Variants in ZNF469 observed in about 807,000 individuals in gnomAD.
ZNF469 encodes the protein zinc finger protein 469.
A neutral mutation model predicts 1.0 loss-of-function variants in ZNF469; 1 was observed. The ratio of observed to expected loss-of-function variants is 1.00; its 90% CI spans 0.35 to 4.73. ZNF469 has a LOEUF of 4.73. Among genes scored for constraint, ZNF469 ranks in the 30% most tolerant of loss-of-function variants. The pLI is 0.16. For missense variants in ZNF469, 6,100 were observed against 5,356.3 expected, an observed-to-expected ratio of 1.14 and a Z score of -4.33; for synonymous variants, 2,703 against 2,363.4, an observed-to-expected ratio of 1.14 and a Z score of -4.17.
the ZNF469 span, among the ~76,000 whole-genome samples, chr16:88,137,872 C>T: frequency 6.6e-6 from 1 of 152,156 alleles, no homozygotes; most frequent in South Asian, 2.1e-4. Context: ...GGCTGGGAGA[C>T]CATGGCTAGC....
At chr16:88,288,674 T>C in the ZNF469 span, among the ~76,000 whole-genome samples, 1 of 152,216 alleles carries the variant, frequency 6.6e-6, no homozygotes, top group South Asian at 2.1e-4. Flanking sequence ...TACTGTCTCA[T>C]GTAACCCCTG....
chr16:88,420,049 T>C (rs1028681865), intron 1 of ZNF469, among the ~76,000 whole-genome samples: 1 of 152,190 alleles, frequency 6.6e-6, no homozygotes, highest in East Asian at 1.9e-4. Context: ...CCCAGTGCCA[T>C]GTCTGGAAAG....
At chr16:88,233,293 G>T in the ZNF469 span, among the ~76,000 whole-genome samples, 1 of 152,218 alleles carries the variant, frequency 6.6e-6, no homozygotes, top group Admixed American at 6.5e-5. Flanking sequence ...TCATTGTGGG[G>T]CTTGGGAGGA....
intron 1 of ZNF469, among the ~76,000 whole-genome samples, chr16:88,418,993 G>A (rs1415660940): frequency 2.0e-5 from 3 of 152,228 alleles, no homozygotes; most frequent in Non-Finnish European, 4.4e-5. Flanking sequence ...GGGTGAGCCT[G>A]GCCGCCTGCC....
At chr16:88,319,161 G>A in the ZNF469 span, among the ~76,000 whole-genome samples, 23 of 152,142 alleles carry the variant, frequency 1.5e-4, no homozygotes, top group Non-Finnish European at 1.0e-4. Context: ...TTGGGGTTCG[G>A]GCTCCTCACA....
chr16:88,434,109 C>T lies in ZNF469; in HGVS notation c.6639C>T (p.Cys2213=), dbSNP rs749336655. ...PCDPKEALAG[C]LLQGEGSPLE... is the part of the protein sequence containing the mutation. ...ATCCCAAGGAAGCCCTGGCTGGTTG[C>T]CTTCTCCAGGGGGAGGGCAGCCCCC... The change falls in exon 3 of 3, where the codon TGC becomes TGT. Residue 2213 remains cysteine (C), a synonymous_variant. Coordinates refer to ENST00000565624, the MANE Select transcript of ZNF469 (RefSeq NM_001367624.2). The T allele has an allele frequency of 1.8e-5, 28 of 1,550,388 alleles. No individual in the cohort carries two copies. In the East Asian group the frequency reaches 6.4e-4, roughly 35 times the overall value.
chr16:88,286,628 T>C, the ZNF469 span, among the ~76,000 whole-genome samples: 2 of 152,358 alleles, frequency 1.3e-5, no homozygotes, highest in South Asian at 4.1e-4. Flanking sequence ...AGGAACATTC[T>C]GCATTCAGTG....
At chr16:88,229,602 C>T in the ZNF469 span, among the ~76,000 whole-genome samples, 16 of 64,684 alleles carry the variant, frequency 2.5e-4, no homozygotes, top group South Asian at 9.1e-3. Flanking sequence ...GTGGATGTCA[C>T]GCGTGTGTGC....
chr16:88,228,943 G>A, the ZNF469 span, among the ~76,000 whole-genome samples: 5 of 152,174 alleles, frequency 3.3e-5, no homozygotes, highest in African/African-American at 7.2e-5. Context: ...GAAGCCAGGC[G>A]GGGAGGGAGG....
chr16:88,437,884 A>C lies in ZNF469; in HGVS notation c.10414A>C (p.Ser3472Arg). The change falls in exon 3 of 3, where the codon AGC (serine) becomes CGC (arginine). Residue 3472 changes from serine (S) to arginine (R), a missense_variant. Transcript: ENST00000565624. ...KARALEGTLP[S>R]KRRRVAMPGS... ...CCGGGCCCTCGAGGGCACACTGCCC[A>C]GCAAACGGCGCAGGGTGGCCATGCC... The C allele has an allele frequency of 6.5e-7, 1 of 1,540,054 alleles. No homozygotes were observed. The highest frequency in any genetic ancestry group is 1.2e-5 in the South Asian group (1 of 83,750).
intron 2 of ZNF469, among the ~76,000 whole-genome samples, chr16:88,426,388 G>T (rs886998835): frequency 9.2e-5 from 14 of 152,272 alleles, no homozygotes; most frequent in Non-Finnish European, 2.1e-4. Flanking sequence ...GCCCCCACAC[G>T]GAGCGGCCTG....
the ZNF469 span, among the ~76,000 whole-genome samples, chr16:88,370,439 A>G: frequency 6.6e-6 from 1 of 152,170 alleles, no homozygotes; most frequent in Non-Finnish European, 1.5e-5. Flanking sequence ...ATTCAGTAGC[A>G]TGTGCGTGCT....
At chr16:88,395,202 T>TGTGGATGGATGG (rs1345487744) in intron 1 of ZNF469, among the ~76,000 whole-genome samples, 1 of 149,508 alleles carries the variant, frequency 6.7e-6, no homozygotes, top group East Asian at 2.0e-4. Context: ...TAGGTGGGTA[T>TGTGGATGGATGG]GTGGATGGAT....
At chr16:88,271,198 G>T in the ZNF469 span, among the ~76,000 whole-genome samples, 10,637 of 150,998 alleles carry the variant, frequency 0.07, 1,245 homozygotes, top group African/African-American at 0.24. Flanking sequence ...CCCGGAGAGC[G>T]TGTTGACGTT....
chr16:88,382,023 C>T (rs763157391), upstream of ZNF469, among the ~76,000 whole-genome samples: 1 of 152,258 alleles, frequency 6.6e-6, no homozygotes, highest in Non-Finnish European at 1.5e-5. Context: ...GTCTGAAGGA[C>T]TAATTCTGAA....
the ZNF469 span, among the ~76,000 whole-genome samples, chr16:88,340,127 C>T: frequency 0.082 from 12,532 of 152,226 alleles, 585 homozygotes; most frequent in Middle Eastern, 0.13. Flanking sequence ...CACCCCTTCT[C>T]CTCCTACCCC....
the ZNF469 span, among the ~76,000 whole-genome samples, chr16:88,186,040 C>T: frequency 2.6e-5 from 4 of 152,250 alleles, no homozygotes; most frequent in African/African-American, 9.6e-5. Context: ...CAGGCCTTGT[C>T]CTGGGGACGA....
chr16:88,240,790 A>G, the ZNF469 span, among the ~76,000 whole-genome samples: 1 of 152,176 alleles, frequency 6.6e-6, no homozygotes, highest in Non-Finnish European at 1.5e-5. Context: ...AGGATGGTTG[A>G]AAAGAAAAGC....
intron 1 of ZNF469, among the ~76,000 whole-genome samples, chr16:88,416,204 G>A (rs879374211): frequency 2.0e-5 from 3 of 152,190 alleles, no homozygotes; most frequent in African/African-American, 4.8e-5. Context: ...CCCCCATGTA[G>A]GCCTCATCGG....
Sources: gnomAD v4.1 joint callset for allele counts (sites outside exome capture counted in the v4.1 genomes callset) on GRCh38, gnomAD v4.1.1 for gene constraint, MANE v1.5 for transcripts, NCBI Gene and HGNC (gene_info 2026-07-23, HGNC 2026-07-21) for gene names.